The following PCCA variants were observed in gnomAD, a reference collection of about 807,000 sequenced individuals.
PCCA encodes the protein propionyl-CoA carboxylase subunit alpha.
In PCCA, 74 loss-of-function variants were observed where a neutral mutation model predicts 101.3. The ratio of observed to expected loss-of-function variants is 0.73; its 90% CI spans 0.61 to 0.89. The LOEUF is 0.89. Ranked by LOEUF, PCCA falls within the 40% of genes least tolerant of loss-of-function variation. The probability of loss-of-function intolerance (pLI) is 0.00; values close to 1 mark genes in which losing one functional copy is unlikely to be tolerated. For missense variants in PCCA, 891 were observed against 907.0 expected (o/e 0.98, Z 0.23); for synonymous variants, 294 against 313.6 (o/e 0.94, Z 0.66).
chr13:100,160,282 C>A (rs2054313316), intron 6 of PCCA, among the ~76,000 whole-genome samples: 1 of 152,070 alleles, frequency 6.6e-6, no homozygotes, highest in African/African-American at 2.4e-5. Flanking sequence ...GTGGGCAGAT[C>A]ACTTGAGGTC....
At chr13:100,462,409 A>G (rs969035714) in intron 21 of PCCA, among the ~76,000 whole-genome samples, 1 of 152,204 alleles carries the variant, frequency 6.6e-6, no homozygotes, top group African/African-American at 2.4e-5. Context: ...TTAGTTGAAC[A>G]TGACTTGGTC....
intron 21 of PCCA, chr13:100,464,645 T>A (rs2082382833): frequency 6.6e-6 from 1 of 152,204 alleles, no homozygotes; most frequent in Admixed American, 6.5e-5. Context: ...CCCCTGGTTA[T>A]GACCCCTTAA....
intron 6 of PCCA, among the ~76,000 whole-genome samples, chr13:100,203,583 A>G (rs1037160759): frequency 1.3e-5 from 2 of 151,844 alleles, no homozygotes; most frequent in Non-Finnish European, 2.9e-5. Flanking sequence ...AGTCCCAGCT[A>G]CTTGGAGGCT....
chr13:100,509,047 C>T (rs1377197568), intron 21 of PCCA, among the ~76,000 whole-genome samples: 1 of 152,162 alleles, frequency 6.6e-6, no homozygotes, highest in Non-Finnish European at 1.5e-5. Flanking sequence ...TCTGGACTTT[C>T]CCCTCCCAAG....
At chr13:100,502,787 A>C (rs950764935) in intron 21 of PCCA, among the ~76,000 whole-genome samples, 5 of 152,240 alleles carry the variant, frequency 3.3e-5, no homozygotes, top group African/African-American at 1.2e-4. Flanking sequence ...TAGTGGAGTC[A>C]CTGCAGCCAG....
At chr13:100,513,725 G>A (rs568923005) in intron 21 of PCCA, among the ~76,000 whole-genome samples, 36 of 152,212 alleles carry the variant, frequency 2.4e-4, no homozygotes, top group African/African-American at 8.7e-4. Flanking sequence ...TTTTGAAGTC[G>A]AATTCTGCAA....
chr13:100,190,883 G>A (rs539258002), intron 6 of PCCA, among the ~76,000 whole-genome samples: 65 of 152,182 alleles, frequency 4.3e-4, no homozygotes, highest in African/African-American at 1.5e-3. Context: ...GGATCATGAG[G>A]TCAGGAATTC....
chr13:100,476,097 C>T (rs922275552), intron 21 of PCCA, among the ~76,000 whole-genome samples: 5 of 152,172 alleles, frequency 3.3e-5, no homozygotes, highest in African/African-American at 1.2e-4. Flanking sequence ...TATGCTCATT[C>T]TCTCTCTTTT....
intron 21 of PCCA, among the ~76,000 whole-genome samples, chr13:100,476,689 T>C (rs188231112): frequency 6.8e-4 from 104 of 152,332 alleles, no homozygotes; most frequent in Middle Eastern, 6.8e-3. Flanking sequence ...GACAGAAATC[T>C]GAATCACAAA....
At chr13:100,275,908 C>T (rs982013828) in intron 12 of PCCA, among the ~76,000 whole-genome samples, 1 of 152,224 alleles carries the variant, frequency 6.6e-6, no homozygotes, top group South Asian at 2.1e-4. Flanking sequence ...AATTATCCCC[C>T]GAGGCCATTT....
At chr13:100,325,286 T>G (rs1408510436) in intron 16 of PCCA, among the ~76,000 whole-genome samples, 1 of 152,154 alleles carries the variant, frequency 6.6e-6, no homozygotes, top group Non-Finnish European at 1.5e-5. Flanking sequence ...ATGGGAAAAG[T>G]GAAGTTGTTA....
intron 2 of PCCA, 131 bp downstream of exon 2, chr13:100,103,091 T>A: frequency 1.5e-6 from 1 of 667,004 alleles, no homozygotes; most frequent in Non-Finnish European, 2.7e-6. Flanking sequence ...ACTCTAGCAT[T>A]GTGTGTTTCT....
intron 18 of PCCA, among the ~76,000 whole-genome samples, chr13:100,359,315 G>C (rs769888456): frequency 6.6e-6 from 1 of 152,092 alleles, no homozygotes; most frequent in Non-Finnish European, 1.5e-5. Context: ...TGTTTATACA[G>C]TATTATCCTG....
intron 19 of PCCA, among the ~76,000 whole-genome samples, chr13:100,398,774 A>G (rs1461771023): frequency 1.3e-5 from 2 of 152,132 alleles, no homozygotes; most frequent in Non-Finnish European, 2.9e-5. Flanking sequence ...TTGACATGCA[A>G]TTTTTATTTC....
At chr13:100,101,630 G>A (rs543779574) in intron 1 of PCCA, among the ~76,000 whole-genome samples, 4 of 151,366 alleles carry the variant, frequency 2.6e-5, no homozygotes, top group African/African-American at 4.9e-5. Flanking sequence ...GAGGAGTTTC[G>A]CTCTTGTTGC....
intron 7 of PCCA, among the ~76,000 whole-genome samples, chr13:100,234,981 A>G (rs2152520787): frequency 6.6e-6 from 1 of 152,198 alleles, no homozygotes; most frequent in African/African-American, 2.4e-5. Context: ...TATTTGGGGA[A>G]ATGATTCAGC....
intron 21 of PCCA, among the ~76,000 whole-genome samples, chr13:100,494,066 G>A (rs1484225692): frequency 6.6e-6 from 1 of 152,128 alleles, no homozygotes; most frequent in Non-Finnish European, 1.5e-5. Flanking sequence ...GTGCACGCCT[G>A]TAATCCCAGC....
chr13:100,453,526 A>G (rs985436087), intron 21 of PCCA, among the ~76,000 whole-genome samples: 1 of 152,042 alleles, frequency 6.6e-6, no homozygotes, highest in African/African-American at 2.4e-5. Flanking sequence ...AAGAAAGTGC[A>G]GGGAGCTTTT....
At chr13:100,317,357 G>T (rs1487588614) in intron 16 of PCCA, among the ~76,000 whole-genome samples, 1 of 152,014 alleles carries the variant, frequency 6.6e-6, no homozygotes, top group Non-Finnish European at 1.5e-5. Flanking sequence ...CTTCACATAT[G>T]GGAGATGTTC....
Sources: allele counts gnomAD v4.1 joint callset (sites outside exome capture counted in the v4.1 genomes callset), GRCh38; gene constraint gnomAD v4.1.1; transcripts MANE v1.5; gene names NCBI Gene and HGNC (gene_info 2026-07-23, HGNC 2026-07-21).